The following NLGN1 variants were observed in gnomAD, a reference collection of about 807,000 sequenced individuals.
NLGN1 encodes neuroligin 1.
A neutral mutation model predicts 65.5 loss-of-function variants in NLGN1; 12 were observed. That is an observed-to-expected ratio of 0.18 (90% CI 0.12 to 0.30). The LOEUF (loss-of-function observed/expected upper bound fraction) is 0.30. NLGN1 is among the 10% of genes least tolerant of loss of function. NLGN1 has a pLI of 1.00. For missense variants in NLGN1, 750 were observed against 1,007.1 expected, an observed-to-expected ratio of 0.74 and a Z score of 3.46; for synonymous variants, 350 against 359.5, an observed-to-expected ratio of 0.97 and a Z score of 0.30.
chr3:174,211,540 C>T (rs866580743), intron 4 of NLGN1, among the ~76,000 whole-genome samples: 23 of 136,276 alleles, frequency 1.7e-4, no homozygotes, highest in African/African-American at 3.6e-4. Context: ...TACAGAGTGC[C>T]GATTGGTGTA....
chr3:173,560,020 TGCC>T (rs1742418134), intron 2 of NLGN1, among the ~76,000 whole-genome samples: 1 of 150,192 alleles, frequency 6.7e-6, no homozygotes, highest in African/African-American at 2.5e-5. Flanking sequence ...CTCAGCTCAC[TGCC>T]AGCTCCGCCT....
At chr3:173,646,330 A>C (rs758445242) in intron 3 of NLGN1, among the ~76,000 whole-genome samples, 2 of 152,234 alleles carry the variant, frequency 1.3e-5, no homozygotes, top group Non-Finnish European at 1.5e-5. Context: ...GTTTCCTGCT[A>C]CTGAAGCAAG....
intron 2 of NLGN1, among the ~76,000 whole-genome samples, chr3:173,440,152 C>T (rs551490642): frequency 1.3e-5 from 2 of 152,250 alleles, no homozygotes; most frequent in African/African-American, 2.4e-5. Context: ...AGATGCAACT[C>T]CTCATCCATT....
In NLGN1 at chr3:173,747,795, C is replaced by CTTCTTTTTTTTTTT. The variant is rs1560289220; in HGVS notation, c.494-59883_494-59882insCTTTTTTTTTTTTT. Among the ~76,000 whole-genome samples, 22 of 78,600 alleles carry CTTCTTTTTTTTTTT rather than the reference C, an allele frequency of 2.8e-4. 1 individual carries two copies. Among genetic ancestry groups the CTTCTTTTTTTTTTT allele is most frequent in the African/African-American group, 1.4e-3 (22 of 16,144 alleles). The allele number at this position is 78,600 out of a possible 152,430, so 51.6% of individuals were successfully genotyped here. ...AAACAAAATTTTCTTTCTTCTTCTT[C>CTTCTTTTTTTTTTT]TTGTTCTTTTTTTTTTTTTTTTTTT... On this transcript the variant is annotated intron_variant, in intron 3 of 6. Transcript: ENST00000457714.
intron 4 of NLGN1, among the ~76,000 whole-genome samples, chr3:173,977,162 C>T (rs1717682800): frequency 6.6e-6 from 1 of 151,584 alleles, no homozygotes; most frequent in African/African-American, 2.4e-5. Context: ...ACAAATGCTG[C>T]AATAGAAAGA....
intron 4 of NLGN1, among the ~76,000 whole-genome samples, chr3:174,244,818 C>T (rs914619796): frequency 5.9e-5 from 9 of 152,260 alleles, no homozygotes; most frequent in Middle Eastern, 3.4e-3. Context: ...TTGAGTTAAT[C>T]GGTAATTTTT....
chr3:174,044,860 A>T (rs1055640015), intron 4 of NLGN1, among the ~76,000 whole-genome samples: 1 of 152,084 alleles, frequency 6.6e-6, no homozygotes, highest in Non-Finnish European at 1.5e-5. Flanking sequence ...GTGAATTCTC[A>T]TGAGATCCAA....
intron 2 of NLGN1, among the ~76,000 whole-genome samples, chr3:173,562,028 G>A (rs914162009): frequency 1.1e-4 from 16 of 152,156 alleles, no homozygotes; most frequent in Admixed American, 3.9e-4. Flanking sequence ...TTTTGTTTTC[G>A]TTTGTTTGTT....
rs377478959 is a variant in NLGN1 at position 174,234,640 on chromosome 3, A to G, written c.647-40675A>G. On this transcript the variant is annotated intron_variant, in intron 4 of 6. Coordinates refer to ENST00000457714, the Ensembl canonical transcript of NLGN1. ...ACTGCCTTTTCTTGGAGCTGGCTGC[A>G]AGCAATTATTTTAGAGAAACAATGT... Among the ~76,000 whole-genome samples the G allele has an allele frequency of 2.0e-4, 31 of 152,266 alleles. No individual in the cohort carries two copies. In the South Asian group the frequency reaches 6.2e-3, roughly 31 times the overall value.
At chr3:173,967,011 G>C (rs916140136) in intron 4 of NLGN1, among the ~76,000 whole-genome samples, 1 of 152,152 alleles carries the variant, frequency 6.6e-6, no homozygotes, top group Admixed American at 6.5e-5. Context: ...CACCAACTTT[G>C]CCTGTGAGTC....
intron 3 of NLGN1, among the ~76,000 whole-genome samples, chr3:173,738,635 A>T (rs1774144018): frequency 6.6e-6 from 1 of 152,078 alleles, no homozygotes; most frequent in Non-Finnish European, 1.5e-5. Context: ...CACAATCATG[A>T]TTACTGTAAC....
At chr3:174,207,509 C>A (rs1475754596) in intron 4 of NLGN1, among the ~76,000 whole-genome samples, 1 of 152,182 alleles carries the variant, frequency 6.6e-6, no homozygotes, top group Non-Finnish European at 1.5e-5. Context: ...GAAATTGATT[C>A]ATGTCATATT....
intron 4 of NLGN1, among the ~76,000 whole-genome samples, chr3:173,856,361 TG>T (rs947736593): frequency 3.3e-5 from 5 of 152,070 alleles, no homozygotes; most frequent in African/African-American, 7.2e-5. Context: ...ATGCTGTAGG[TG>T]GTATTACATC....
intron 1 of NLGN1, among the ~76,000 whole-genome samples, chr3:173,418,425 A>C (rs952812224): frequency 1.3e-5 from 2 of 152,114 alleles, no homozygotes; most frequent in Non-Finnish European, 2.9e-5. Context: ...ATTTCAATGT[A>C]TATTCCTAAG....
intron 4 of NLGN1, among the ~76,000 whole-genome samples, chr3:174,016,761 G>A (rs999599028): frequency 3.9e-5 from 6 of 152,004 alleles, no homozygotes; most frequent in African/African-American, 7.3e-5. Context: ...TCTTAATTGC[G>A]GGCCTTAGCA....
At chr3:173,877,594 G>A (rs1732382191) in intron 4 of NLGN1, among the ~76,000 whole-genome samples, 1 of 152,132 alleles carries the variant, frequency 6.6e-6, no homozygotes, top group Non-Finnish European at 1.5e-5. Context: ...AATAGGCTAT[G>A]GTTATGTAAG....
intron 4 of NLGN1, among the ~76,000 whole-genome samples, chr3:174,242,271 C>T (rs1042113706): frequency 3.3e-5 from 5 of 151,902 alleles, no homozygotes; most frequent in Admixed American, 1.3e-4. Flanking sequence ...CCGTGCCAGT[C>T]CATGGCCTGT....
chr3:173,959,878 T>C (rs1433483016), intron 4 of NLGN1, among the ~76,000 whole-genome samples: 1 of 152,146 alleles, frequency 6.6e-6, no homozygotes, highest in Non-Finnish European at 1.5e-5. Context: ...TTTAAACCAC[T>C]ATGGCCTAAA....
At chr3:173,588,476 G>T (rs928279781) in intron 2 of NLGN1, among the ~76,000 whole-genome samples, 1 of 152,130 alleles carries the variant, frequency 6.6e-6, no homozygotes, top group Non-Finnish European at 1.5e-5. Context: ...ACAGCCATTT[G>T]GTAGCTAACC....
Sources: gnomAD v4.1 joint callset for allele counts (sites outside exome capture counted in the v4.1 genomes callset) on GRCh38, gnomAD v4.1.1 for gene constraint, MANE v1.5 for transcripts, NCBI Gene and HGNC (gene_info 2026-07-23, HGNC 2026-07-21) for gene names.